MELK: variants seen among roughly 807,000 people sequenced by gnomAD.
The protein encoded by MELK is pEg3 kinase.
Under a neutral mutation model 85.0 loss-of-function variants are expected in MELK, and 81 were observed. The observed-to-expected ratio is 0.95, with a 90% CI of 0.80 to 1.15. The LOEUF (loss-of-function observed/expected upper bound fraction) is 1.15. MELK is among the 50% of genes most tolerant of loss of function. The pLI, the probability that MELK is intolerant of heterozygous loss-of-function variation, is 0.00. For synonymous variants in MELK, 252 were observed against 265.0 expected, an observed-to-expected ratio of 0.95 and a Z score of 0.48; for missense variants, 754 against 777.5, an observed-to-expected ratio of 0.97 and a Z score of 0.36.
rs1188293934 is a variant in MELK at position 36,633,144 on chromosome 9, C to CATGG, written c.780_781insGGAT (p.Pro261GlyfsTer13). The CATGG allele has an allele frequency of 1.2e-6, 2 of 1,610,404 alleles. No individual in the cohort carries two copies. Among genetic ancestry groups the CATGG allele is most frequent in the Admixed American group, 3.4e-5 (2 of 58,830 alleles). On this transcript the variant is annotated frameshift_variant, in exon 10 of 18. Transcript: ENST00000298048. LOFTEE classifies it high-confidence loss of function. ...GATTTCTATGAAAAATCTATTGAAC[C>CATGG]ATCCCTGGATCATGCAAGATTACAA...
chr9:36,643,788 G>A lies in MELK; in HGVS notation c.921+705G>A, dbSNP rs561691606. ...TCTCTACTAAAAATACAAAAAATTA[G>A]CCGGGCGTTGTAGCAGATGCCTGTA... On this transcript the variant is annotated intron_variant, in intron 11 of 17. Coordinates refer to ENST00000298048, the MANE Select transcript of MELK (RefSeq NM_014791.4). Among the ~76,000 whole-genome samples, 9 of 152,126 alleles carry A rather than the reference G, an allele frequency of 5.9e-5. No individual in the cohort carries two copies. The South Asian group carries it at 1.9e-3, about 32-fold the overall frequency.
intron 3 of MELK, 133 bp downstream of exon 3, chr9:36,583,845 G>C (rs1822527168): frequency 1.6e-6 from 1 of 638,066 alleles, no homozygotes; most frequent in South Asian, 2.6e-5. Context: ...GTATAGATCT[G>C]TGGTTTTAAA....
chr9:36,597,509 G>C (rs755159312), intron 6 of MELK, among the ~76,000 whole-genome samples: 1 of 152,170 alleles, frequency 6.6e-6, no homozygotes, highest in Non-Finnish European at 1.5e-5. Flanking sequence ...TCTAGGATTG[G>C]TCCTGCTGAA....
intron 10 of MELK, among the ~76,000 whole-genome samples, chr9:36,633,792 A>G (rs1448896076): frequency 6.6e-6 from 1 of 152,236 alleles, no homozygotes; most frequent in African/African-American, 2.4e-5. Flanking sequence ...AGACACCTGT[A>G]TAGCCACCTG....
At chr9:36,593,040 TAC>T (rs1296123752) in intron 4 of MELK, among the ~76,000 whole-genome samples, 84 of 152,346 alleles carry the variant, frequency 5.5e-4, no homozygotes, top group Admixed American at 1.8e-3. Flanking sequence ...AAATGACTCA[TAC>T]AGTATTCTTT....
intron 12 of MELK, 140 bp downstream of exon 12, chr9:36,652,017 T>C (rs573236075): frequency 2.0e-5 from 14 of 684,592 alleles, no homozygotes; most frequent in Non-Finnish European, 3.0e-5. Flanking sequence ...ATGAGAAAAA[T>C]GGGAAGTTCT....
intron 4 of MELK, among the ~76,000 whole-genome samples, chr9:36,590,672 G>A (rs779629398): frequency 6.6e-6 from 1 of 152,142 alleles, no homozygotes; most frequent in Non-Finnish European, 1.5e-5. Context: ...CTTGAAAGAT[G>A]TCTTTAGAAC....
rs60212848 is a variant in MELK at position 36,616,387 on chromosome 9, C to CTTTTTTTTT, written c.666+8726_666+8734dup. ...TTAAAGGTATCTAGCATGTCAAACT[C>CTTTTTTTTT]TTTTTTTTTTTTTTTTTTTTAAGGC... is the stretch of plus-strand genomic sequence containing the variant. On this transcript the variant is annotated intron_variant, in intron 8 of 17. Coordinates refer to ENST00000298048, the MANE Select transcript of MELK (RefSeq NM_014791.4). 6.3e-4 allele frequency among the ~76,000 whole-genome samples: 72 copies of CTTTTTTTTT among 114,626 alleles called. 4 individuals are homozygous for CTTTTTTTTT. The highest frequency in any genetic ancestry group is 2.3e-3 in the African/African-American group (69 of 30,166). The allele number at this position is 114,626 out of a possible 152,430, so 75.2% of individuals were successfully genotyped here. A position where few individuals can be genotyped will look rare whatever the true frequency, so the allele number is the denominator to read the frequency against.
chr9:36,676,092 A>G (rs1374499292), intron 17 of MELK, among the ~76,000 whole-genome samples: 1 of 152,120 alleles, frequency 6.6e-6, no homozygotes, highest in Non-Finnish European at 1.5e-5. Context: ...CATGTGACTA[A>G]ATTGTTCTAT....
chr9:36,583,219 C>T (rs962491740), intron 2 of MELK, among the ~76,000 whole-genome samples: 8 of 152,110 alleles, frequency 5.3e-5, no homozygotes, highest in Admixed American at 2.6e-4. Flanking sequence ...GTGATCCGCC[C>T]GCCTCGGTCT....
rs138068500 is a variant in MELK, at chr9:36,580,515, C to T, written c.-38-1129C>T. Among the ~76,000 whole-genome samples, 1,406 of 151,182 alleles carry T rather than the reference C, an allele frequency of 9.3e-3. 23 individuals carry two copies. Among genetic ancestry groups the T allele is most frequent in the African/African-American group, 0.03 (1,250 of 41,232 alleles). ...GTGTATTTTTAGTAGAGACGGGTTT[C>T]GTCATGTTGGTCAGGCTGGTCTCGA... is the stretch of plus-strand genomic sequence containing the variant. On this transcript the variant is annotated intron_variant, in intron 1 of 17. Coordinates refer to ENST00000298048, the MANE Select transcript of MELK (RefSeq NM_014791.4).
intron 8 of MELK, among the ~76,000 whole-genome samples, chr9:36,610,411 C>A (rs1343808524): frequency 6.6e-6 from 1 of 152,262 alleles, no homozygotes; most frequent in Admixed American, 6.5e-5. Context: ...ATAGTTCCAA[C>A]TCCTTGAAGA....
chr9:36,597,968 C>T (rs182541588), intron 6 of MELK, among the ~76,000 whole-genome samples: 1 of 152,284 alleles, frequency 6.6e-6, no homozygotes, highest in Admixed American at 6.5e-5. Flanking sequence ...AATGAGCTGT[C>T]TACACTCATT....
chr9:36,661,675 G>A (rs948125125), intron 13 of MELK, among the ~76,000 whole-genome samples: 3 of 152,084 alleles, frequency 2.0e-5, no homozygotes, highest in Non-Finnish European at 1.5e-5. Flanking sequence ...GGTGGCTCAC[G>A]CCTGTAATCC....
At chr9:36,574,184 C>A (rs1406608094) in intron 1 of MELK, among the ~76,000 whole-genome samples, 1 of 152,134 alleles carries the variant, frequency 6.6e-6, no homozygotes, top group Non-Finnish European at 1.5e-5. Flanking sequence ...TGTGGACCAA[C>A]TAGATGGGCA....
At chr9:36,651,948 G>A in intron 12 of MELK, 71 bp downstream of exon 12, 2 of 1,341,922 alleles carry the variant, frequency 1.5e-6, no homozygotes, top group Non-Finnish European at 2.0e-6. Flanking sequence ...CACTGGGAAG[G>A]TAAACTTTCC....
intron 10 of MELK, among the ~76,000 whole-genome samples, chr9:36,636,814 TTCTTTC>T (rs1829253637): frequency 8.5e-6 from 1 of 117,940 alleles, no homozygotes; most frequent in African/African-American, 3.8e-5. Flanking sequence ...CTGTCTTTCT[TTCTTTC>T]TGTCTTTCTT....
intron 11 of MELK, among the ~76,000 whole-genome samples, chr9:36,646,792 C>T (rs921516656): frequency 4.6e-5 from 7 of 152,214 alleles, no homozygotes; most frequent in African/African-American, 1.2e-4. Flanking sequence ...GCCACTCCTC[C>T]GTGTCTGTGC....
At chr9:36,594,871 C>T in intron 5 of MELK, 100 bp downstream of exon 5, 17 of 1,300,458 alleles carry the variant, frequency 1.3e-5, no homozygotes, top group Non-Finnish European at 1.5e-5. Context: ...CTTTGGTTTG[C>T]TTTTTGTTGT....
Sources: gnomAD v4.1 joint callset for allele counts (sites outside exome capture counted in the v4.1 genomes callset) on GRCh38, gnomAD v4.1.1 for gene constraint, MANE v1.5 for transcripts, NCBI Gene and HGNC (gene_info 2026-07-23, HGNC 2026-07-21) for gene names.